ROCK2: variants seen among roughly 807,000 people sequenced by gnomAD.
The protein encoded by ROCK2 is rho-associated protein kinase 2.
Under a neutral mutation model 195.1 loss-of-function variants are expected in ROCK2, and 61 were observed. The ratio of observed to expected loss-of-function variants is 0.31; its 90% CI spans 0.25 to 0.39. ROCK2 has a LOEUF of 0.39. Among genes scored for constraint, ROCK2 ranks in the 10% least tolerant of loss-of-function variants. The pLI, the probability that ROCK2 is intolerant of heterozygous loss-of-function variation, is 1.00. For synonymous variants in ROCK2, 504 were observed against 545.5 expected, an observed-to-expected ratio of 0.92 and a Z score of 1.06; for missense variants, 1,109 against 1,637.4, an observed-to-expected ratio of 0.68 and a Z score of 5.57.
intron 32 of ROCK2, among the ~76,000 whole-genome samples, chr2:11,183,723 A>G (rs1663090197): frequency 7.0e-6 from 1 of 143,280 alleles, no homozygotes; most frequent in African/African-American, 2.6e-5. Context: ...GGGTTAAACA[A>G]TATACCACAG....
chr2:11,208,764 T>C (rs1558292363), intron 18 of ROCK2, among the ~76,000 whole-genome samples: 1 of 152,096 alleles, frequency 6.6e-6, no homozygotes, highest in African/African-American at 2.4e-5. Context: ...AGCTAAGTTT[T>C]GTATTTTTAG....
At chr2:11,226,551 C>A (rs1664817194) in intron 6 of ROCK2, among the ~76,000 whole-genome samples, 1 of 152,038 alleles carries the variant, frequency 6.6e-6, no homozygotes, top group Admixed American at 6.6e-5. Context: ...ATTTTTACTT[C>A]TCTACTACTA....
chr2:11,344,073 C>T lies in ROCK2; in HGVS notation c.64G>A (p.Ala22Thr). 6.4e-7 allele frequency: 1 copy of T among 1,554,776 alleles called. No homozygotes were observed. Among genetic ancestry groups the T allele is most frequent in the East Asian group, 2.6e-5 (1 of 39,074 alleles). ...AGCTTCCTCTGGCGGCTCGCGCCTGCCCCGTCCCCCGGCGCGGTCTCGGGG... is the reference window on the plus strand; with the variant it reads ...AGCTTCCTCTGGCGGCTCGCGCCTGTCCCGTCCCCCGGCGCGGTCTCGGGG... ...GAPETAPGDGAGASRQRKLEA... is the reference protein window; with the variant it reads ...GAPETAPGDGTGASRQRKLEA... The change falls in exon 1 of 33, where the codon GCA (alanine) becomes ACA (threonine). Residue 22 changes from alanine (A) to threonine (T), a missense_variant. Ala to Thr is a moderately conservative substitution (Grantham distance 58). Coordinates refer to ENST00000315872, the MANE Select transcript of ROCK2 (RefSeq NM_004850.5). The surrounding 1 kb of genome is among the most constrained non-coding windows in gnomAD (Gnocchi z 5.4).
intron 9 of ROCK2, among the ~76,000 whole-genome samples, chr2:11,219,861 C>CTTT (rs11437412): frequency 2.2e-5 from 3 of 134,716 alleles, no homozygotes; most frequent in Non-Finnish European, 3.2e-5. Context: ...CCAAAACTCA[C>CTTT]TTTTTTTTTT....
At chr2:11,212,534 C>A (rs543777247) in intron 17 of ROCK2, among the ~76,000 whole-genome samples, 1 of 152,168 alleles carries the variant, frequency 6.6e-6, no homozygotes, top group Admixed American at 6.5e-5. Context: ...TGCATCCTTT[C>A]TGTTGCTCCT....
chr2:11,257,630 C>G (rs1666082801), intron 3 of ROCK2, among the ~76,000 whole-genome samples: 1 of 151,222 alleles, frequency 6.6e-6, no homozygotes, highest in South Asian at 2.1e-4. Flanking sequence ...CCAGAATCAC[C>G]TCCGCAGATA....
At chr2:11,211,900 G>T in intron 17 of ROCK2, 60 bp from the exon 18 acceptor site, 3 of 1,337,626 alleles carry the variant, frequency 2.2e-6, no homozygotes, top group East Asian at 2.4e-5. Flanking sequence ...AATTTCAAAA[G>T]CTTTCTAATT....
At chr2:11,317,609 TA>T (rs1386518082) in intron 1 of ROCK2, among the ~76,000 whole-genome samples, 53 of 25,040 alleles carry the variant, frequency 2.1e-3, no homozygotes, top group East Asian at 3.7e-3. Flanking sequence ...TATATATATA[TA>T]TATTTTTTTT....
intron 32 of ROCK2, among the ~76,000 whole-genome samples, chr2:11,186,778 CT>C (rs1165167121): frequency 6.6e-6 from 1 of 152,212 alleles, no homozygotes; most frequent in Non-Finnish European, 1.5e-5. Flanking sequence ...CTTTGTACCT[CT>C]GCACATGACA....
intron 17 of ROCK2, among the ~76,000 whole-genome samples, chr2:11,213,418 C>T (rs1270785540): frequency 6.6e-6 from 1 of 151,928 alleles, no homozygotes; most frequent in Non-Finnish European, 1.5e-5. Context: ...TCCTCATGTC[C>T]TTACATAACA....
Position 11,344,017 on chromosome 2 carries a change from G to A in ROCK2, c.120C>T (p.Pro40=). The A allele has an allele frequency of 2.5e-6, 4 of 1,590,084 alleles. No individual in the cohort carries two copies. The highest frequency in any genetic ancestry group is 3.4e-6 in the Non-Finnish European group (4 of 1,169,382). ...CTACCAGCAAGCTCTCCACGTTGAT[G>A]GGGGAGCGAGGGTCTCGGATCAGCG... is the stretch of plus-strand genomic sequence containing the variant. ...LEALIRDPRS[P]INVESLLDGL... is the part of the protein sequence containing the mutation. Residue 40 remains proline, a synonymous_variant, in exon 1 of 33, where the codon CCC becomes CCT. Coordinates refer to ENST00000315872, the MANE Select transcript of ROCK2 (RefSeq NM_004850.5). This position sits in a 1 kb window ranked among gnomAD's most constrained non-coding sequence, Gnocchi z 5.4.
chr2:11,295,946 G>A (rs368186214), intron 1 of ROCK2, among the ~76,000 whole-genome samples: 8 of 133,226 alleles, frequency 6.0e-5, no homozygotes, highest in African/African-American at 2.2e-4. Context: ...GACAGAGCGA[G>A]ATTCCATCTC....
At chr2:11,285,090 C>G (rs1232472646) in intron 3 of ROCK2, among the ~76,000 whole-genome samples, 1 of 151,972 alleles carries the variant, frequency 6.6e-6, no homozygotes, top group Non-Finnish European at 1.5e-5. Flanking sequence ...TGGAGAAACC[C>G]TGTCTCTACT....
At chr2:11,253,283 T>C (rs565414087) in intron 3 of ROCK2, among the ~76,000 whole-genome samples, 1 of 152,328 alleles carries the variant, frequency 6.6e-6, no homozygotes, top group Non-Finnish European at 1.5e-5. Flanking sequence ...CCATTGTTCA[T>C]ACTTCAGACA....
chr2:11,287,494 A>G (rs1168383174), intron 2 of ROCK2, among the ~76,000 whole-genome samples, 161 bp downstream of exon 2: 2 of 152,198 alleles, frequency 1.3e-5, no homozygotes, highest in Non-Finnish European at 2.9e-5. Flanking sequence ...CTTTAAAAAT[A>G]AAAGTAACAA....
At chr2:11,338,565 T>C (rs567613718) in intron 1 of ROCK2, among the ~76,000 whole-genome samples, 2 of 152,324 alleles carry the variant, frequency 1.3e-5, no homozygotes, top group Non-Finnish European at 2.9e-5. Flanking sequence ...TGCCATTTTA[T>C]AAAAAGGACT....
chr2:11,232,282 T>C (rs1020967277), intron 5 of ROCK2, among the ~76,000 whole-genome samples: 2 of 152,030 alleles, frequency 1.3e-5, no homozygotes, highest in Admixed American at 1.3e-4. Context: ...GCATGCACCA[T>C]CACGCCTGGC....
intron 3 of ROCK2, among the ~76,000 whole-genome samples, chr2:11,284,565 C>A (rs1186049372): frequency 2.6e-5 from 4 of 152,166 alleles, no homozygotes; most frequent in South Asian, 4.1e-4. Context: ...CTTAAAAAAA[C>A]TAAAGTCTTT....
intron 3 of ROCK2, among the ~76,000 whole-genome samples, chr2:11,262,651 C>T (rs188740473): frequency 1.3e-5 from 2 of 152,170 alleles, no homozygotes; most frequent in Non-Finnish European, 1.5e-5. Flanking sequence ...ATGTGACTTG[C>T]TGCTCCTTGC....
Sources: allele counts gnomAD v4.1 joint callset (sites outside exome capture counted in the v4.1 genomes callset), GRCh38; gene constraint gnomAD v4.1.1; non-coding constraint Gnocchi (gnomAD v3.1); transcripts MANE v1.5; gene names NCBI Gene and HGNC (gene_info 2026-07-23, HGNC 2026-07-21).